The following RPIA variants were observed in gnomAD, a reference collection of about 807,000 sequenced individuals.
RPIA encodes the protein ribose-5-phosphate isomerase.
A neutral mutation model predicts 37.8 loss-of-function variants in RPIA; 29 were observed. The ratio of observed to expected loss-of-function variants is 0.77; its 90% confidence interval spans 0.57 to 1.05. The LOEUF (loss-of-function observed/expected upper bound fraction) is 1.05, where lower values mean the gene tolerates loss of function less well. Ranked by LOEUF, RPIA falls within the 50% of genes least tolerant of loss-of-function variation. The pLI is 0.00. For synonymous variants in RPIA, 167 were observed against 157.0 expected (o/e 1.06, Z -0.48); for missense variants, 385 against 413.6 (o/e 0.93, Z 0.60).
chr2:88,744,737 C>T (rs1386755012), intron 8 of RPIA, among the ~76,000 whole-genome samples: 2 of 152,214 alleles, frequency 1.3e-5, no homozygotes, highest in African/African-American at 4.8e-5. Flanking sequence ...ATCCTTGTAT[C>T]ATTATATAAT....
intron 3 of RPIA, among the ~76,000 whole-genome samples, chr2:88,721,593 A>T (rs1012288602): frequency 8.0e-6 from 1 of 125,608 alleles, no homozygotes; most frequent in African/African-American, 2.9e-5. Flanking sequence ...ACATGCACAC[A>T]TGTTTTTTGC....
chr2:88,698,605 G>C, intron 2 of RPIA, 61 bp downstream of exon 2: 2 of 1,492,794 alleles, frequency 1.3e-6, no homozygotes, highest in South Asian at 2.3e-5. Context: ...GGAGGTAGAG[G>C]AGAGGGAGGA....
intron 3 of RPIA, among the ~76,000 whole-genome samples, chr2:88,728,766 T>C (rs562642729): frequency 1.3e-4 from 20 of 152,368 alleles, no homozygotes; most frequent in Middle Eastern, 3.4e-3. Context: ...CTAAATTTGC[T>C]GACTTCCTCC....
intron 3 of RPIA, among the ~76,000 whole-genome samples, chr2:88,726,504 A>G (rs1673198731): frequency 6.6e-6 from 1 of 152,174 alleles, no homozygotes; most frequent in African/African-American, 2.4e-5. Context: ...CATTTGTATA[A>G]GAATAGAGAG....
intron 3 of RPIA, among the ~76,000 whole-genome samples, chr2:88,704,959 C>G (rs1389443867): frequency 1.3e-5 from 2 of 152,146 alleles, no homozygotes; most frequent in Admixed American, 6.5e-5. Flanking sequence ...TGAATGAACT[C>G]TCATTCACAA....
At chr2:88,737,500 C>A (rs573046672) in intron 7 of RPIA, among the ~76,000 whole-genome samples, 1 of 152,284 alleles carries the variant, frequency 6.6e-6, no homozygotes, top group South Asian at 2.1e-4. Context: ...TCAACCTTGA[C>A]CCTGTCAGAG....
chr2:88,709,168 A>G (rs984641617), intron 3 of RPIA, among the ~76,000 whole-genome samples: 1 of 152,214 alleles, frequency 6.6e-6, no homozygotes, highest in Non-Finnish European at 1.5e-5. Context: ...AATTGAGTGG[A>G]CTGTCTTTCT....
intron 1 of RPIA, among the ~76,000 whole-genome samples, chr2:88,697,517 G>A (rs191155365): frequency 3.1e-4 from 47 of 152,320 alleles, no homozygotes; most frequent in Admixed American, 7.8e-4. Context: ...TTGTGGTCTA[G>A]TAGACTCAGC....
intron 2 of RPIA, among the ~76,000 whole-genome samples, 156 bp downstream of exon 2, chr2:88,698,700 T>C (rs1183103751): frequency 6.6e-6 from 1 of 152,206 alleles, no homozygotes; most frequent in Non-Finnish European, 1.5e-5. Context: ...GTTGAGTGTT[T>C]CTGCTCTTTT....
chr2:88,724,988 A>G (rs1673178271), intron 3 of RPIA, among the ~76,000 whole-genome samples: 1 of 152,240 alleles, frequency 6.6e-6, no homozygotes, highest in Non-Finnish European at 1.5e-5. Context: ...AAGTACCAGT[A>G]GCCTGCCAAG....
At chr2:88,739,617 CTTTA>C (rs1463427039) in intron 8 of RPIA, among the ~76,000 whole-genome samples, 1 of 152,048 alleles carries the variant, frequency 6.6e-6, no homozygotes, top group African/African-American at 2.4e-5. Context: ...TCCAGTTCTA[CTTTA>C]TTTATTAATT....
chr2:88,737,233 A>G (rs890137945), intron 7 of RPIA, among the ~76,000 whole-genome samples: 9 of 152,218 alleles, frequency 5.9e-5, no homozygotes, highest in African/African-American at 2.2e-4. Context: ...TTTTATACTT[A>G]AGTAAACAAA....
chr2:88,750,186 TGGTGGGG>T lies in RPIA; in HGVS notation c.*118_*124del. On this transcript the variant is annotated 3_prime_UTR_variant, in exon 9 of 9. Coordinates refer to ENST00000283646, the MANE Select transcript of RPIA (RefSeq NM_144563.3). ...AATGTATCTCTGCCTGGACAACTTGTGGTGGGGGGTGGGGGGAAGAGTGGGAGGGGGA... is the reference window on the plus strand; with the variant it reads ...AATGTATCTCTGCCTGGACAACTTGTGGTGGGGGGAAGAGTGGGAGGGGGA... 3 of 545,284 alleles carry T rather than the reference TGGTGGGG, an allele frequency of 5.5e-6. No homozygotes were observed. The highest frequency in any genetic ancestry group is 1.0e-5 in the Non-Finnish European group (3 of 287,480). 33.8% of individuals were successfully genotyped at this position (545,284 alleles called of 1,614,324 possible).
At position 88,736,684 on chromosome 2, in the gene RPIA, G is replaced by T. The variant is rs1319975381; in HGVS notation, c.738+8G>T. ...ATGGCTGTCAACAAGGCTGTGAGTGGCCTGGTTGGGCCGGGGGTGTGCTGG... is the reference window on the plus strand; with the variant it reads ...ATGGCTGTCAACAAGGCTGTGAGTGTCCTGGTTGGGCCGGGGGTGTGCTGG... On this transcript the variant is annotated splice_region_variant and intron_variant, in intron 7 of 8. Transcript: ENST00000283646. 1 of 1,608,872 alleles carries T rather than the reference G, an allele frequency of 6.2e-7. No homozygotes were observed. The highest frequency in any genetic ancestry group is 8.5e-7 in the Non-Finnish European group (1 of 1,175,478).
At chr2:88,716,233 C>T (rs925503096) in intron 3 of RPIA, among the ~76,000 whole-genome samples, 2 of 152,098 alleles carry the variant, frequency 1.3e-5, no homozygotes, top group Non-Finnish European at 1.5e-5. Flanking sequence ...ACTTATGACC[C>T]GGAAGACCCC....
intron 1 of RPIA, among the ~76,000 whole-genome samples, chr2:88,698,119 T>C (rs1400573475): frequency 6.6e-6 from 1 of 151,800 alleles, no homozygotes; most frequent in East Asian, 1.9e-4. Context: ...TGTTGCTGGC[T>C]TGAAATGTCA....
intron 3 of RPIA, among the ~76,000 whole-genome samples, chr2:88,701,366 G>T (rs1326043288): frequency 1.3e-5 from 2 of 151,242 alleles, no homozygotes; most frequent in Non-Finnish European, 2.9e-5. Context: ...TTTCCAACTG[G>T]CTTGATCATC....
At chr2:88,696,596 A>G (rs568077511) in intron 1 of RPIA, among the ~76,000 whole-genome samples, 40 of 152,278 alleles carry the variant, frequency 2.6e-4, no homozygotes, top group African/African-American at 8.7e-4. Flanking sequence ...TCACACATAT[A>G]TAAAACAAAT....
At chr2:88,729,677 A>T (rs544241317) in intron 4 of RPIA, among the ~76,000 whole-genome samples, 9 of 152,310 alleles carry the variant, frequency 5.9e-5, no homozygotes, top group Admixed American at 1.3e-4. Flanking sequence ...AAGTGGAAAT[A>T]AGGAAGAATC....
Sources: allele counts gnomAD v4.1 joint callset (sites outside exome capture counted in the v4.1 genomes callset), GRCh38; gene constraint gnomAD v4.1.1; transcripts MANE v1.5; gene names NCBI Gene and HGNC (gene_info 2026-07-23, HGNC 2026-07-21).